CACNA1H: variants seen among roughly 807,000 people sequenced by gnomAD.
CACNA1H encodes voltage-dependent T-type calcium channel subunit alpha-1H.
CACNA1H carries 149 observed loss-of-function variants against 192.5 expected under a neutral mutation model. That is an observed-to-expected ratio of 0.77 (90% CI 0.68 to 0.89). CACNA1H has a LOEUF of 0.89. Among genes scored for constraint, CACNA1H ranks in the 40% least tolerant of loss-of-function variants. The pLI is 0.00. For missense variants in CACNA1H, 4,257 were observed against 3,423.5 expected, an observed-to-expected ratio of 1.24 and a Z score of -6.08; for synonymous variants, 2,202 against 1,475.2, an observed-to-expected ratio of 1.49 and a Z score of -11.29.
rs577617747 is a variant in CACNA1H at position 1,168,697 on chromosome 16, C to T, written c.299+14661C>T. ...GGAGCCTGCTGGGCCCCACTCATTG[C>T]CCTCCAGACCCTTCCAGAGTCCCAG... is the stretch of plus-strand genomic sequence containing the variant. On this transcript the variant is annotated intron_variant, in intron 2 of 34. Coordinates refer to ENST00000348261, the MANE Select transcript of CACNA1H (RefSeq NM_021098.3). 3.6e-4 allele frequency among the ~76,000 whole-genome samples: 55 copies of T among 152,242 alleles called. 1 individual carries two copies. Among genetic ancestry groups the T allele is most frequent in the African/African-American group, 1.2e-3 (48 of 41,564 alleles).
rs764751197 is a variant in CACNA1H at position 1,215,079 on chromosome 16, C to T, written c.5037C>T (p.Asp1679=). 1.6e-5 allele frequency: 26 copies of T among 1,610,692 alleles called. No homozygotes were observed. Among genetic ancestry groups the T allele is most frequent in the Non-Finnish European group, 2.2e-5 (26 of 1,178,380 alleles). The part of the protein sequence containing the change: ...VAFGFRRFFK[D]RWNQLDLAIV... ...TTGGGTTCCGTCGGTTCTTCAAGGA[C>T]AGGTGTGTGTGGTGGGGCCGTCTTG... The change falls in exon 28 of 35, where the codon GAC becomes GAT. Residue 1679 remains aspartate, a splice_region_variant and synonymous_variant. Coordinates refer to ENST00000348261, the MANE Select transcript of CACNA1H (RefSeq NM_021098.3).
At chr16:1,183,168 G>A (rs953512153) in intron 2 of CACNA1H, among the ~76,000 whole-genome samples, 3 of 151,960 alleles carry the variant, frequency 2.0e-5, no homozygotes, top group Admixed American at 6.6e-5. Context: ...CCTGGAACCC[G>A]GTACCCTCCA....
In CACNA1H at chr16:1,207,299, G is replaced by A. The variant is rs771078778; in HGVS notation, c.2932G>A (p.Val978Met). Residue 978 changes from valine (V) to methionine (M), a missense_variant, in exon 14 of 35, where the codon GTG becomes ATG. By Grantham distance (21) the Val-to-Met change is conservative (BLOSUM62 1). Transcript: ENST00000348261. ...FQILTQEDWN[V>M]VLYNGMASTS... ...GATCCTGACCCAGGAGGACTGGAAC[G>A]TGGTCCTGTACAACGGCATGGCCTC... 1.2e-5 allele frequency: 19 copies of A among 1,610,302 alleles called. No individual in the cohort carries two copies. Among genetic ancestry groups the A allele is most frequent in the Admixed American group, 8.4e-5 (5 of 59,562 alleles).
At chr16:1,218,168 G>A (rs779220651) in intron 32 of CACNA1H, 42 bp from the exon 33 acceptor site, 7 of 1,536,480 alleles carry the variant, frequency 4.6e-6, no homozygotes, top group East Asian at 2.5e-5. Context: ...TGGCACCCGC[G>A]GGTGGGTGTG....
In CACNA1H at chr16:1,207,407, C is replaced by A. The variant is rs1180991424; in HGVS notation, c.3040C>A (p.Leu1014Ile). ...YVLFNLLVAI[L>I]VEGFQAEGDA... ...GCTCTTCAACCTGCTGGTGGCCATC[C>A]TCGTGGAGGGCTTCCAGGCGGAGGT... The change falls in exon 14 of 35, where the codon CTC (leucine) becomes ATC (isoleucine). Residue 1014 changes from leucine to isoleucine, a missense_variant. Physicochemically the swap from Leu to Ile is conservative, Grantham distance 5 (BLOSUM62 2). Coordinates refer to ENST00000348261, the MANE Select transcript of CACNA1H (RefSeq NM_021098.3). 6.2e-7 allele frequency: 1 copy of A among 1,613,200 alleles called. No individual in the cohort carries two copies. Among genetic ancestry groups the A allele is most frequent in the South Asian group, 1.1e-5 (1 of 91,070 alleles).
chr16:1,196,881 C>T (rs867706996), intron 5 of CACNA1H, among the ~76,000 whole-genome samples: 2 of 152,144 alleles, frequency 1.3e-5, no homozygotes, highest in Non-Finnish European at 2.9e-5. Flanking sequence ...TGGGGGTCGG[C>T]GCGGCCCCCA....
At chr16:1,211,690 C>A in intron 23 of CACNA1H, 26 bp from the exon 24 acceptor site, 1 of 1,612,194 alleles carries the variant, frequency 6.2e-7, no homozygotes, top group Non-Finnish European at 8.5e-7. Context: ...CTAACCCTCG[C>A]CAGTGACCCT....
intron 2 of CACNA1H, among the ~76,000 whole-genome samples, chr16:1,194,286 G>A (rs2141186704): frequency 6.6e-6 from 1 of 152,326 alleles, no homozygotes; most frequent in Non-Finnish European, 1.5e-5. Context: ...GACTTCCCAA[G>A]GCTGTTCGCT....
intron 2 of CACNA1H, among the ~76,000 whole-genome samples, chr16:1,176,142 T>C (rs1336341556): frequency 2.0e-5 from 3 of 152,256 alleles, no homozygotes; most frequent in Admixed American, 1.3e-4. Flanking sequence ...TTCTAGACTT[T>C]GGGAATTTCA....
chr16:1,201,218 G>T (rs1967847442), intron 8 of CACNA1H, among the ~76,000 whole-genome samples: 1 of 152,258 alleles, frequency 6.6e-6, no homozygotes, highest in East Asian at 1.9e-4. Context: ...CACCCTGCGG[G>T]GACCTAGTAG....
At chr16:1,156,989 C>T (rs917961314) in intron 2 of CACNA1H, 2 of 152,248 alleles carry the variant, frequency 1.3e-5, no homozygotes, top group African/African-American at 2.4e-5. Context: ...GCGAGCGCTG[C>T]TTCTCCTCCA....
At chr16:1,218,156 G>T in intron 32 of CACNA1H, 54 bp from the exon 33 acceptor site, 1 of 1,534,670 alleles carries the variant, frequency 6.5e-7, no homozygotes, top group Non-Finnish European at 8.8e-7. Flanking sequence ...GCACTGCCAG[G>T]GTGGCACCCG....
intron 12 of CACNA1H, 138 bp from the exon 13 acceptor site, chr16:1,206,863 G>A (rs902390871): frequency 2.0e-5 from 12 of 600,008 alleles, no homozygotes; most frequent in African/African-American, 3.7e-5. Context: ...GCCCAGGGAG[G>A]GTAGGAGGCC....
chr16:1,199,235 TCCGC>T, intron 6 of CACNA1H, among the ~76,000 whole-genome samples: 1 of 23,960 alleles, frequency 4.2e-5, no homozygotes, highest in Admixed American at 5.9e-4. Context: ...CCATCATGGC[TCCGC>T]CCACCGTGCA....
intron 2 of CACNA1H, chr16:1,156,986 C>T (rs1962504002): frequency 6.6e-6 from 1 of 152,244 alleles, no homozygotes; most frequent in Non-Finnish European, 1.5e-5. Flanking sequence ...GGGGCGAGCG[C>T]TGCTTCTCCT....
intron 8 of CACNA1H, 128 bp from the exon 9 acceptor site, chr16:1,201,535 T>C (rs1967907318): frequency 1.7e-6 from 2 of 1,152,518 alleles, no homozygotes; most frequent in East Asian, 2.6e-5. Flanking sequence ...AGCCTGCCCA[T>C]AGCAGGGCAC....
At chr16:1,211,880 G>A in intron 24 of CACNA1H, 66 bp from the exon 25 acceptor site, 1 of 1,610,392 alleles carries the variant, frequency 6.2e-7, no homozygotes, top group Non-Finnish European at 8.5e-7. Context: ...GGGGACTCGG[G>A]GGGCCATCCT....
Position 1,199,498 on chromosome 16 carries a change from C to T in CACNA1H, c.803+724C>T, listed in dbSNP as rs908194445. On this transcript the variant is annotated intron_variant, in intron 6 of 34. Coordinates refer to ENST00000348261, the MANE Select transcript of CACNA1H (RefSeq NM_021098.3). ...GGCTCCACCCACCGTGCGGTCATTGCACATATGTCCCACCCCCAGTGCTGC... is the reference window on the plus strand; with the variant it reads ...GGCTCCACCCACCGTGCGGTCATTGTACATATGTCCCACCCCCAGTGCTGC... 1.2e-4 allele frequency among the ~76,000 whole-genome samples: 17 copies of T among 146,828 alleles called. 4 individuals carry two copies. Among genetic ancestry groups the T allele is most frequent in the East Asian group, 2.0e-4 (1 of 4,916 alleles).
intron 26 of CACNA1H, among the ~76,000 whole-genome samples, chr16:1,213,130 G>C (rs1404659671): frequency 2.0e-5 from 3 of 152,248 alleles, no homozygotes; most frequent in African/African-American, 7.2e-5. Flanking sequence ...GCCGACTTCA[G>C]ATGGTCTGGA....
Sources: gnomAD v4.1 joint callset for allele counts (sites outside exome capture counted in the v4.1 genomes callset) on GRCh38, gnomAD v4.1.1 for gene constraint, MANE v1.5 for transcripts, NCBI Gene and HGNC (gene_info 2026-07-23, HGNC 2026-07-21) for gene names.